ALG5: variants seen among roughly 807,000 people sequenced by gnomAD.
The protein encoded by ALG5 is dolichyl-phosphate beta-glucosyltransferase.
In ALG5, 26 loss-of-function variants were observed where a neutral mutation model predicts 51.8. The observed-to-expected ratio is 0.50, with a 90% CI of 0.37 to 0.70. The LOEUF (loss-of-function observed/expected upper bound fraction) is 0.70, where lower values mean the gene tolerates loss of function less well. Among genes scored for constraint, ALG5 ranks in the 30% least tolerant of loss-of-function variants. The pLI, the probability that ALG5 is intolerant of heterozygous loss-of-function variation, is 0.00. For synonymous variants in ALG5, 141 were observed against 136.1 expected (o/e 1.04, Z -0.25); for missense variants, 311 against 399.3 (o/e 0.78, Z 1.88).
intron 3 of ALG5, 74 bp downstream of exon 3, chr13:36,994,915 G>T: frequency 7.5e-7 from 1 of 1,342,146 alleles, no homozygotes; most frequent in Non-Finnish European, 1.1e-6. Flanking sequence ...CAGTGCATCT[G>T]GCTTGGGGTC....
At chr13:36,978,932 A>AT (rs1555252072) in intron 6 of ALG5, among the ~76,000 whole-genome samples, 1 of 148,236 alleles carries the variant, frequency 6.7e-6, no homozygotes, top group African/African-American at 2.5e-5. Flanking sequence ...AAAAAAAAAA[A>AT]GGAAAAAAAA....
Position 36,995,318 on chromosome 13 carries a change from C to G in ALG5, c.238+107G>C, listed in dbSNP as rs1315572544. 7.7e-6 allele frequency: 9 copies of G among 1,175,320 alleles called. No homozygotes were observed. In the African/African-American group the frequency reaches 1.4e-4, roughly 18 times the overall value. 72.8% of individuals were successfully genotyped at this position (1,175,320 alleles called of 1,614,324 possible). On this transcript the variant is annotated intron_variant, in intron 2 of 9. Transcript: ENST00000239891. Reference sequence around the variant, plus strand: ...ACAATTATCAACTGTGTGCTCAACACAGCCCACATCTATTAATGTTTTGGC... The same window carrying G: ...ACAATTATCAACTGTGTGCTCAACAGAGCCCACATCTATTAATGTTTTGGC...
intron 8 of ALG5, among the ~76,000 whole-genome samples, chr13:36,957,332 C>T (rs2058844551): frequency 6.6e-6 from 1 of 151,400 alleles, no homozygotes; most frequent in Non-Finnish European, 1.5e-5. Context: ...TGGGTAGATA[C>T]TCTCACTGGT....
rs745864772 is a variant in ALG5, at chr13:36,985,890, C to T, written c.448-150G>A. 6.0e-6 allele frequency: 3 copies of T among 497,644 alleles called. No individual in the cohort carries two copies. The South Asian group carries it at 1.1e-4, about 19-fold the overall frequency. 30.8% of individuals were successfully genotyped at this position (497,644 alleles called of 1,614,324 possible). ...GCCAGAGTTCACTGAAAACAAATTA[C>T]CTGTATATTAAGATCTTCTCAAATG... On this transcript the variant is annotated intron_variant, in intron 5 of 9. Coordinates refer to ENST00000239891, the MANE Select transcript of ALG5 (RefSeq NM_013338.5).
In ALG5 at chr13:36,965,581, T is replaced by A. The variant is rs2058889428; in HGVS notation, c.767A>T (p.Glu256Val). 6.2e-7 allele frequency: 1 copy of A among 1,613,160 alleles called. No individual in the cohort carries two copies. Among genetic ancestry groups the A allele is most frequent in the African/African-American group, 1.3e-5 (1 of 74,860 alleles). The change falls in exon 8 of 10, where the codon GAA becomes GTA. Residue 256 changes from glutamate to valine, a missense_variant. Transcript: ENST00000239891. Reference sequence around the variant, plus strand: ...ATTCCAGTCAGAAACCTACCATCGTTCAACGTGTAGAGATGAAAACGTCCG... The same window carrying A: ...ATTCCAGTCAGAAACCTACCATCGTACAACGTGTAGAGATGAAAACGTCCG... ...ASRTFSSLHV[E>V]RWAFDVELLY...
chr13:36,958,579 C>T (rs1421291891), intron 8 of ALG5, among the ~76,000 whole-genome samples: 1 of 152,136 alleles, frequency 6.6e-6, no homozygotes, highest in African/African-American at 2.4e-5. Flanking sequence ...CCTACTACGC[C>T]CCAATTCAGC....
At chr13:36,976,862 T>C (rs964390689) in intron 6 of ALG5, among the ~76,000 whole-genome samples, 10 of 152,232 alleles carry the variant, frequency 6.6e-5, no homozygotes, top group Admixed American at 5.9e-4. Flanking sequence ...ATGATTTTCT[T>C]AGAGAGGAAG....
intron 6 of ALG5, among the ~76,000 whole-genome samples, chr13:36,977,805 A>C (rs1422082037): frequency 3.4e-5 from 5 of 147,670 alleles, no homozygotes; most frequent in Admixed American, 6.8e-5. Flanking sequence ...AAAAAAAAAA[A>C]AAAAAAAAAC....
intron 6 of ALG5, among the ~76,000 whole-genome samples, chr13:36,973,876 A>G (rs555645608): frequency 1.8e-3 from 268 of 152,278 alleles, no homozygotes; most frequent in African/African-American, 6.2e-3. Flanking sequence ...TAAAACCTAT[A>G]ATTTTTTACC....
chr13:36,995,574 G>C lies in ALG5; in HGVS notation c.89C>G (p.Thr30Ser), dbSNP rs1280588258. The C allele has an allele frequency of 1.2e-6, 2 of 1,601,400 alleles. No individual in the cohort carries two copies. The highest frequency in any genetic ancestry group is 1.4e-5 in the African/African-American group (1 of 73,850). The change falls in exon 2 of 10, where the codon ACT (threonine) becomes AGT (serine). Residue 30 changes from threonine to serine, a missense_variant. Coordinates refer to ENST00000239891, the MANE Select transcript of ALG5 (RefSeq NM_013338.5). ...ATGGAGTGCTGGCATTTTTGTAGCA[G>C]TTGTAAATGCAACGATGGAAATCTA... ...LVLISIVAFTTATKMPALHRH... is the reference protein window; with the variant it reads ...LVLISIVAFTSATKMPALHRH...
At chr13:36,998,923 G>A in intron 1 of ALG5, 1 of 288,900 alleles carries the variant, frequency 3.5e-6, no homozygotes, top group South Asian at 1.0e-4. Flanking sequence ...TGACAGAGGA[G>A]GTGGGTAGGG....
At chr13:36,984,564 T>C (rs2138818064) in intron 6 of ALG5, among the ~76,000 whole-genome samples, 1 of 152,340 alleles carries the variant, frequency 6.6e-6, no homozygotes, top group South Asian at 2.1e-4. Context: ...GCAACTTTAA[T>C]TCTTTTTTGT....
At chr13:36,994,599 A>G (rs1361340462) in intron 3 of ALG5, among the ~76,000 whole-genome samples, 1 of 151,944 alleles carries the variant, frequency 6.6e-6, no homozygotes, top group Non-Finnish European at 1.5e-5. Flanking sequence ...AAGAGAGAAG[A>G]GAATAAAAGT....
At chr13:36,990,207 A>T (rs2059019762) in intron 4 of ALG5, among the ~76,000 whole-genome samples, 1 of 152,226 alleles carries the variant, frequency 6.6e-6, no homozygotes, top group Admixed American at 6.5e-5. Context: ...TCTGCTTTAT[A>T]ATCAAAGTCG....
chr13:36,968,881 T>C (rs193119250), intron 7 of ALG5, among the ~76,000 whole-genome samples: 358 of 152,352 alleles, frequency 2.3e-3, no homozygotes, highest in African/African-American at 7.8e-3. Context: ...TATGATTCTA[T>C]AAGAATAAGC....
At position 36,949,818 on chromosome 13, in the gene ALG5, T is replaced by C. The variant is rs2058810566; in HGVS notation, c.*124A>G. The C allele has an allele frequency of 2.0e-6, 1 of 503,380 alleles. No homozygotes were observed. Among genetic ancestry groups the C allele is most frequent in the Non-Finnish European group, 3.4e-6 (1 of 290,172 alleles). 31.2% of individuals were successfully genotyped at this position (503,380 alleles called of 1,614,324 possible). A position where few individuals can be genotyped will look rare whatever the true frequency, so the allele number is the denominator to read the frequency against. On this transcript the variant is annotated 3_prime_UTR_variant, in exon 10 of 10. Transcript: ENST00000239891. The stretch of plus-strand genomic sequence containing the variant: ...TTTTTTACTTATGGAAAGTTATTTC[T>C]TTAAAATTATCAAAAGGCAGACAAT...
intron 6 of ALG5, among the ~76,000 whole-genome samples, chr13:36,979,583 GGTCATTA>G (rs2058970007): frequency 6.6e-6 from 1 of 152,094 alleles, no homozygotes. Context: ...GAGCATTCAG[GGTCATTA>G]GTAAGCAACC....
chr13:36,996,198 AT>A (rs2059049463), intron 1 of ALG5, among the ~76,000 whole-genome samples: 1 of 152,248 alleles, frequency 6.6e-6, no homozygotes, highest in Admixed American at 6.5e-5. Flanking sequence ...TTACTGAAGT[AT>A]CTAACTTACA....
chr13:36,965,362 C>T (rs1251675154), intron 8 of ALG5, among the ~76,000 whole-genome samples: 1 of 152,128 alleles, frequency 6.6e-6, no homozygotes, highest in Admixed American at 6.5e-5. Context: ...TTAAGGTGAA[C>T]ACACATAACT....
Sources: gnomAD v4.1 joint callset for allele counts (sites outside exome capture counted in the v4.1 genomes callset) on GRCh38, gnomAD v4.1.1 for gene constraint, MANE v1.5 for transcripts, NCBI Gene and HGNC (gene_info 2026-07-23, HGNC 2026-07-21) for gene names.